The following UBIAD1 variants were observed in gnomAD, a reference collection of about 807,000 sequenced individuals.
UBIAD1 encodes the protein ubiA prenyltransferase domain-containing protein 1.
A neutral mutation model predicts 20.1 loss-of-function variants in UBIAD1; 12 were observed. The observed-to-expected ratio is 0.60, with a 90% CI of 0.38 to 0.97. The LOEUF (loss-of-function observed/expected upper bound fraction) is 0.97, where lower values mean the gene tolerates loss of function less well. Among genes scored for constraint, UBIAD1 ranks in the 50% least tolerant of loss-of-function variants. The pLI, the probability that UBIAD1 is intolerant of heterozygous loss-of-function variation, is 0.00. For missense variants in UBIAD1, 333 were observed against 419.5 expected (o/e 0.79, Z 1.80); for synonymous variants, 207 against 189.2 (o/e 1.09, Z -0.77).
chr1:11,295,066 A>C (rs1479636591), exon 2 of UBIAD1: 3 of 652,738 alleles, frequency 4.6e-6, no homozygotes, highest in Non-Finnish European at 8.4e-6. Context: ...ATGCATGTTC[A>C]GGACACAGGA....
At chr1:11,289,654 C>T (rs888950805), downstream of UBIAD1, among the ~76,000 whole-genome samples, 14 of 152,116 alleles carry the variant, frequency 9.2e-5, no homozygotes, top group Non-Finnish European at 1.9e-4. Flanking sequence ...CCTCTGCCTC[C>T]CGGATTCAAA....
At position 11,273,345 on chromosome 1, in the gene UBIAD1, C is replaced by A; in HGVS notation, c.-187C>A. On this transcript the variant is annotated 5_prime_UTR_variant, in exon 1 of 2. Transcript: ENST00000376810. The surrounding 1 kb of genome is among the most constrained non-coding windows in gnomAD (Gnocchi z 4.9). Reference sequence around the variant, plus strand: ...AGGTGACGGGTAGTAGGGGCGGCGCCGCTTGGCCTCGTGGGGTGTAAGACC... The same window carrying A: ...AGGTGACGGGTAGTAGGGGCGGCGCAGCTTGGCCTCGTGGGGTGTAAGACC... 1 of 661,328 alleles carries A rather than the reference C, an allele frequency of 1.5e-6. No homozygotes were observed. The highest frequency in any genetic ancestry group is 2.8e-5 in the East Asian group (1 of 36,340). 41.0% of individuals were successfully genotyped at this position (661,328 alleles called of 1,614,324 possible). A position where few individuals can be genotyped will look rare whatever the true frequency, so the allele number is the denominator to read the frequency against.
At position 11,285,205 on chromosome 1, in the gene UBIAD1, A is replaced by G. The variant is rs1638234899; in HGVS notation, c.530-439A>G. Among the ~76,000 whole-genome samples, 1 of 152,156 alleles carries G rather than the reference A, an allele frequency of 6.6e-6. No homozygotes were observed. The highest frequency in any genetic ancestry group is 2.4e-5 in the African/African-American group (1 of 41,404). ...GAGATTGTAGGGGAAGGAGGTGGAA[A>G]AGTAGAAGGCCAGAGTGGCTATTCT... On this transcript the variant is annotated intron_variant, in intron 1 of 1. Coordinates refer to ENST00000376810, the MANE Select transcript of UBIAD1 (RefSeq NM_013319.3). This position sits in a 1 kb window ranked among gnomAD's most constrained non-coding sequence, Gnocchi z 4.4.
chr1:11,273,283 C>T lies in UBIAD1; in HGVS notation c.-249C>T, dbSNP rs1324401036. On this transcript the variant is annotated 5_prime_UTR_variant, in exon 1 of 2. Coordinates refer to ENST00000376810, the MANE Select transcript of UBIAD1 (RefSeq NM_013319.3). The surrounding 1 kb of genome is among the most constrained non-coding windows in gnomAD (Gnocchi z 4.9). ...GGCGGCCGCGGCTCAGCCGTGGGCT[C>T]TAACGCGGGGCTGGGGGCCGGAGAC... 1 of 559,882 alleles carries T rather than the reference C, an allele frequency of 1.8e-6. No individual in the cohort carries two copies. Among genetic ancestry groups the T allele is most frequent in the Non-Finnish European group, 3.2e-6 (1 of 312,082 alleles). The allele number at this position is 559,882 out of a possible 1,614,324, so 34.7% of individuals were successfully genotyped here. A position where few individuals can be genotyped will look rare whatever the true frequency, so the allele number is the denominator to read the frequency against.
intron 1 of UBIAD1, among the ~76,000 whole-genome samples, chr1:11,278,186 G>A (rs1652122057): frequency 6.6e-6 from 1 of 152,062 alleles, no homozygotes. Context: ...TTGAACTCCT[G>A]GCCTCAAGTG....
At position 11,273,784 on chromosome 1, in the gene UBIAD1, G is replaced by T. The variant is rs1215578103; in HGVS notation, c.253G>T (p.Val85Leu). The T allele has an allele frequency of 9.3e-6, 15 of 1,614,136 alleles. No homozygotes were observed. Among genetic ancestry groups the T allele is most frequent in the Non-Finnish European group, 1.3e-5 (15 of 1,180,028 alleles). ...SHGVLDPRLL[V>L]GCAVAVLAVH... ...CGGTGTCCTGGATCCCAGGCTCTTG[G>T]TGGGTTGTGCCGTGGCTGTCCTGGC... Residue 85 changes from valine to leucine, a missense_variant, in exon 1 of 2, where the codon GTG becomes TTG. Coordinates refer to ENST00000376810, the MANE Select transcript of UBIAD1 (RefSeq NM_013319.3). The surrounding 1 kb of genome is among the most constrained non-coding windows in gnomAD (Gnocchi z 4.9).
At position 11,286,024 on chromosome 1, in the gene UBIAD1, G is replaced by T. The variant is rs759970445; in HGVS notation, c.910G>T (p.Ala304Ser). The T allele has an allele frequency of 7.4e-6, 12 of 1,614,072 alleles. No homozygotes were observed. The highest frequency in any genetic ancestry group is 9.3e-6 in the Non-Finnish European group (11 of 1,180,026). ...CCTTGAGAGACAGTTTCGAAGCCAG[G>T]CCTTCAACAAACTGCCCCAGAGGAC... is the stretch of plus-strand genomic sequence containing the variant. The part of the protein sequence containing the change: ...FSLERQFRSQ[A>S]FNKLPQRTAK... Residue 304 changes from alanine to serine, a missense_variant, in exon 2 of 2, where the codon GCC (alanine) becomes TCC (serine). This residue lies in a region of UBIAD1 where 226 missense variants were observed against 263.5 expected (regional missense o/e 0.86). Coordinates refer to ENST00000376810, the MANE Select transcript of UBIAD1 (RefSeq NM_013319.3).
chr1:11,279,187 C>T (rs1652162310), intron 1 of UBIAD1: 2 of 231,108 alleles, frequency 8.7e-6, no homozygotes, highest in Admixed American at 8.2e-5. Context: ...CATAATTTGT[C>T]CTTGGTGGCC....
chr1:11,285,614 A>T lies in UBIAD1; in HGVS notation c.530-30A>T. 1 of 1,613,966 alleles carries T rather than the reference A, an allele frequency of 6.2e-7. No homozygotes were observed. The highest frequency in any genetic ancestry group is 8.5e-7 in the Non-Finnish European group (1 of 1,180,008). On this transcript the variant is annotated intron_variant, in intron 1 of 1. Transcript: ENST00000376810. The surrounding 1 kb of genome is among the most constrained non-coding windows in gnomAD (Gnocchi z 4.4). The stretch of plus-strand genomic sequence containing the variant: ...TCCCTAAATTTCCAGCCTTGGTCTC[A>T]CACCAACTCTCTGGATTTTCTGGCC...
chr1:11,275,855 G>A (rs34261402), intron 1 of UBIAD1, among the ~76,000 whole-genome samples: 1 of 152,152 alleles, frequency 6.6e-6, no homozygotes, highest in Admixed American at 6.6e-5. Flanking sequence ...AAGTGCCATA[G>A]GCCTTCAGGC....
At chr1:11,292,675 A>G (rs1638385827), downstream of UBIAD1, among the ~76,000 whole-genome samples, 2 of 139,186 alleles carry the variant, frequency 1.4e-5, no homozygotes, top group Non-Finnish European at 3.0e-5. Context: ...GTATACACAC[A>G]CACACACACA....
chr1:11,278,350 G>A (rs1242501553), intron 1 of UBIAD1, among the ~76,000 whole-genome samples: 1 of 152,080 alleles, frequency 6.6e-6, no homozygotes, highest in African/African-American at 2.4e-5. Flanking sequence ...TTGTAAACCT[G>A]AATTATATTT....
At position 11,285,241 on chromosome 1, in the gene UBIAD1, G is replaced by A. The variant is rs1487379621; in HGVS notation, c.530-403G>A. Reference sequence around the variant, plus strand: ...CAGAGTGGCTATTCTGTGAGGGATTGATCTCACGGGGTCTTGCAGGGGTTG... The same window carrying A: ...CAGAGTGGCTATTCTGTGAGGGATTAATCTCACGGGGTCTTGCAGGGGTTG... On this transcript the variant is annotated intron_variant, in intron 1 of 1. Transcript: ENST00000376810. The surrounding 1 kb of genome is among the most constrained non-coding windows in gnomAD (Gnocchi z 4.4). Among the ~76,000 whole-genome samples, 1 of 152,202 alleles carries A rather than the reference G, an allele frequency of 6.6e-6. No individual in the cohort carries two copies. The highest frequency in any genetic ancestry group is 1.5e-5 in the Non-Finnish European group (1 of 68,042).
In UBIAD1 at chr1:11,286,238, G is replaced by A; in HGVS notation, c.*107G>A. Reference sequence around the variant, plus strand: ...TTGGCAGTCAGGGTACTAAGCATGGGTGGGAACTCCTGCCTTATAAAAATT... The same window carrying A: ...TTGGCAGTCAGGGTACTAAGCATGGATGGGAACTCCTGCCTTATAAAAATT... On this transcript the variant is annotated 3_prime_UTR_variant, in exon 2 of 2. Transcript: ENST00000376810. 6.9e-7 allele frequency: 1 copy of A among 1,440,140 alleles called. No homozygotes were observed. Among genetic ancestry groups the A allele is most frequent in the African/African-American group, 1.4e-5 (1 of 71,224 alleles). The allele number at this position is 1,440,140 out of a possible 1,614,324, so 89.2% of individuals were successfully genotyped here.
chr1:11,281,328 A>C (rs1294804055), intron 1 of UBIAD1, among the ~76,000 whole-genome samples: 4 of 151,910 alleles, frequency 2.6e-5, no homozygotes, highest in African/African-American at 4.8e-5. Flanking sequence ...TTACCTTCTA[A>C]TGTGCCATAT....
chr1:11,273,693 G>A lies in UBIAD1; in HGVS notation c.162G>A (p.Arg54=). The change falls in exon 1 of 2, where the codon AGG becomes AGA. Residue 54 remains arginine, a synonymous_variant. Coordinates refer to ENST00000376810, the MANE Select transcript of UBIAD1 (RefSeq NM_013319.3). The surrounding 1 kb of genome is among the most constrained non-coding windows in gnomAD (Gnocchi z 4.9). The part of the protein sequence containing the change: ...QKCASYVLAL[R]PWSFSASLTP... Reference sequence around the variant, plus strand: ...GTGCCTCCTACGTGTTGGCCCTGAGGCCCTGGAGCTTCAGTGCCTCACTCA... The same window carrying A: ...GTGCCTCCTACGTGTTGGCCCTGAGACCCTGGAGCTTCAGTGCCTCACTCA... The A allele has an allele frequency of 6.2e-7, 1 of 1,614,178 alleles. No homozygotes were observed. Among genetic ancestry groups the A allele is most frequent in the African/African-American group, 1.3e-5 (1 of 75,056 alleles).
At chr1:11,293,271 G>A (rs1056270424), downstream of UBIAD1, among the ~76,000 whole-genome samples, 6 of 152,108 alleles carry the variant, frequency 3.9e-5, no homozygotes, top group East Asian at 1.9e-4. Context: ...GCACTCCCAC[G>A]GTCCTGCCAT....
At chr1:11,291,494 C>A (rs868157307), downstream of UBIAD1, among the ~76,000 whole-genome samples, 7 of 151,566 alleles carry the variant, frequency 4.6e-5, no homozygotes, top group Non-Finnish European at 1.5e-5. Flanking sequence ...GTAATCCCAG[C>A]GACTCGGGAG....
rs1231245459 is a variant in UBIAD1 at position 11,287,653 on chromosome 1, G to GC, written c.*1522_*1523insC. ...TTTGAAAATTGCAAAAGTTCCGCCGGGCGCGGTGGCTCATGCCTGTAATCC... is the reference window on the plus strand; with the variant it reads ...TTTGAAAATTGCAAAAGTTCCGCCGGCGCGCGGTGGCTCATGCCTGTAATCC... On this transcript the variant is annotated 3_prime_UTR_variant, in exon 2 of 2. Coordinates refer to ENST00000376810, the MANE Select transcript of UBIAD1 (RefSeq NM_013319.3). 1 of 152,188 alleles carries GC rather than the reference G, an allele frequency of 6.6e-6. No individual in the cohort carries two copies. The highest frequency in any genetic ancestry group is 2.4e-5 in the African/African-American group (1 of 41,436). The allele number at this position is 152,188 out of a possible 1,614,324, so 9.4% of individuals were successfully genotyped here. A position where few individuals can be genotyped will look rare whatever the true frequency, so the allele number is the denominator to read the frequency against.
Sources: gnomAD v4.1 joint callset for allele counts (sites outside exome capture counted in the v4.1 genomes callset) on GRCh38, gnomAD v4.1.1 for gene constraint, gnomAD v4.1.1 regional missense constraint, Gnocchi (gnomAD v3.1) non-coding constraint, MANE v1.5 for transcripts, NCBI Gene and HGNC (gene_info 2026-07-23, HGNC 2026-07-21) for gene names.